The following CNTNAP5 variants were observed in gnomAD, a reference collection of about 807,000 sequenced individuals.
CNTNAP5 encodes the protein contactin associated protein family member 5, also known as contactin-associated protein-like 5.
Under a neutral mutation model 150.2 loss-of-function variants are expected in CNTNAP5, and 72 were observed. That is an observed-to-expected ratio of 0.48 (90% CI 0.40 to 0.58). CNTNAP5 has a LOEUF of 0.58. Ranked by LOEUF, CNTNAP5 falls within the 20% of genes least tolerant of loss-of-function variation. The pLI, the probability that CNTNAP5 is intolerant of heterozygous loss-of-function variation, is 0.00. For synonymous variants in CNTNAP5, 672 were observed against 619.8 expected (o/e 1.08, Z -1.25); for missense variants, 1,636 against 1,626.2 (o/e 1.01, Z -0.10).
At chr2:124,473,002 TA>T (rs1334983292) in intron 6 of CNTNAP5, among the ~76,000 whole-genome samples, 1 of 151,766 alleles carries the variant, frequency 6.6e-6, no homozygotes, top group Non-Finnish European at 1.5e-5. Flanking sequence ...AACTAAAGAG[TA>T]TATGATTTAA....
intron 3 of CNTNAP5, among the ~76,000 whole-genome samples, chr2:124,361,037 T>G (rs1463234868): frequency 7.9e-6 from 1 of 126,934 alleles, no homozygotes; most frequent in Non-Finnish European, 1.7e-5. Flanking sequence ...TAAACTTCCC[T>G]TCTCGCTTCA....
intron 12 of CNTNAP5, among the ~76,000 whole-genome samples, chr2:124,642,448 C>T (rs1678113412): frequency 6.6e-6 from 1 of 152,128 alleles, no homozygotes; most frequent in African/African-American, 2.4e-5. Flanking sequence ...CTTCACTTGA[C>T]GAAGCCATCC....
intron 13 of CNTNAP5, among the ~76,000 whole-genome samples, chr2:124,724,496 T>C (rs1372598498): frequency 6.6e-6 from 1 of 152,120 alleles, no homozygotes; most frequent in Non-Finnish European, 1.5e-5. Context: ...TAAATATACA[T>C]GTGATCAATT....
intron 22 of CNTNAP5, among the ~76,000 whole-genome samples, chr2:124,906,003 G>T (rs1678528309): frequency 6.6e-6 from 1 of 152,148 alleles, no homozygotes; most frequent in Admixed American, 6.5e-5. Flanking sequence ...ATGCTTGCAG[G>T]CCTATTGTTT....
chr2:124,798,011 A>G (rs1681882954), intron 18 of CNTNAP5, 85 bp from the exon 19 acceptor site: 1 of 950,320 alleles, frequency 1.1e-6, no homozygotes, highest in Non-Finnish European at 1.6e-6. Flanking sequence ...TGCCCAGTGC[A>G]TAGGAAACGA....
At position 124,797,516 on chromosome 2, in the gene CNTNAP5, A is replaced by G. The variant is rs314725; in HGVS notation, c.2993-580A>G. Among the ~76,000 whole-genome samples the G allele has an allele frequency of 9.3e-3, 1,418 of 152,268 alleles. 28 individuals carry two copies. The highest frequency in any genetic ancestry group is 0.032 in the African/African-American group (1,347 of 41,552). ...AAATGAGTTTAAGAGTTGGAGACCT[A>G]TGTCTTTTCTACTTTGTCCATAAAT... On this transcript the variant is annotated intron_variant, in intron 18 of 23. Coordinates refer to ENST00000682447, the MANE Select transcript of CNTNAP5 (RefSeq NM_001367498.1).
intron 19 of CNTNAP5, among the ~76,000 whole-genome samples, chr2:124,812,161 A>C (rs1371456789): frequency 5.2e-5 from 6 of 115,576 alleles, no homozygotes; most frequent in Non-Finnish European, 1.0e-4. Context: ...TATATAAATA[A>C]TATATGTATT....
chr2:124,783,438 T>C, intron 17 of CNTNAP5, among the ~76,000 whole-genome samples: 1 of 152,180 alleles, frequency 6.6e-6, no homozygotes, highest in Non-Finnish European at 1.5e-5. Flanking sequence ...CAATTAAATA[T>C]TAATATTTCT....
intron 19 of CNTNAP5, among the ~76,000 whole-genome samples, chr2:124,815,437 C>T (rs1015106690): frequency 6.6e-6 from 1 of 152,140 alleles, no homozygotes; most frequent in Non-Finnish European, 1.5e-5. Flanking sequence ...CTTTGTCATG[C>T]TGAAGCCAGG....
chr2:124,504,514 G>C lies in CNTNAP5; in HGVS notation c.1285G>C (p.Val429Leu). ...LSLEGGILRL[V>L]IQKMTERVAE... ...CCTGGAGGGTGGAATCCTGAGACTCGTGATTCAGAAAATGACAGAACGCGT... is the reference window on the plus strand; with the variant it reads ...CCTGGAGGGTGGAATCCTGAGACTCCTGATTCAGAAAATGACAGAACGCGT... Residue 429 changes from valine (V) to leucine (L), a missense_variant, in exon 8 of 24, where the codon GTG becomes CTG. Physicochemically the swap from Val to Leu is conservative, Grantham distance 32. Transcript: ENST00000682447. The C allele has an allele frequency of 6.2e-7, 1 of 1,613,768 alleles. No homozygotes were observed. Among genetic ancestry groups the C allele is most frequent in the Non-Finnish European group, 8.5e-7 (1 of 1,179,816 alleles).
chr2:124,603,008 TCC>T (rs1203425244), intron 11 of CNTNAP5, among the ~76,000 whole-genome samples: 3 of 129,688 alleles, frequency 2.3e-5, no homozygotes, highest in Non-Finnish European at 4.9e-5. Context: ...CCTCTCTCCC[TCC>T]CTCCCTCCCT....
intron 13 of CNTNAP5, among the ~76,000 whole-genome samples, chr2:124,659,587 G>A (rs12998732): frequency 0.54 from 76,454 of 141,912 alleles, 21,415 homozygotes; most frequent in Non-Finnish European, 0.61. Context: ...TCTTCTCTGC[G>A]AAATAGCTAA....
At chr2:124,594,276 C>T (rs1327521159) in intron 11 of CNTNAP5, among the ~76,000 whole-genome samples, 17 of 137,530 alleles carry the variant, frequency 1.2e-4, no homozygotes, top group South Asian at 7.8e-4. Context: ...TTAGGTCTAA[C>T]GTTTAAATCT....
intron 4 of CNTNAP5, among the ~76,000 whole-genome samples, chr2:124,431,645 T>C (rs1230819425): frequency 1.4e-5 from 2 of 146,520 alleles, no homozygotes; most frequent in African/African-American, 2.5e-5. Flanking sequence ...AATTTCTTTA[T>C]ATAAACATTA....
chr2:124,130,970 A>G (rs1015129206), intron 1 of CNTNAP5, among the ~76,000 whole-genome samples: 1 of 152,184 alleles, frequency 6.6e-6, no homozygotes, highest in South Asian at 2.1e-4. Flanking sequence ...CAGCCCCAGA[A>G]GTATAAAGAC....
chr2:124,412,434 C>A (rs1233662326), intron 3 of CNTNAP5, among the ~76,000 whole-genome samples: 1,712 of 148,478 alleles, frequency 0.012, 30 homozygotes, highest in African/African-American at 0.039. Context: ...CAATCCTAAG[C>A]CAAAAGAACA....
At chr2:124,367,699 G>A (rs948885781) in intron 3 of CNTNAP5, among the ~76,000 whole-genome samples, 1 of 152,128 alleles carries the variant, frequency 6.6e-6, no homozygotes, top group African/African-American at 2.4e-5. Context: ...GGGCCTTGAG[G>A]TTTAAAGTGT....
intron 13 of CNTNAP5, among the ~76,000 whole-genome samples, chr2:124,675,046 G>C (rs13432730): frequency 0.24 from 35,776 of 151,904 alleles, 4,703 homozygotes; most frequent in African/African-American, 0.36. Context: ...TAACACAAGA[G>C]TGTTGGATTC....
intron 11 of CNTNAP5, 114 bp from the exon 12 acceptor site, chr2:124,609,687 T>C: frequency 8.5e-7 from 1 of 1,170,030 alleles, no homozygotes; most frequent in Non-Finnish European, 1.2e-6. Flanking sequence ...GTCAAGGATA[T>C]AGAAGGAGGG....
Sources: gnomAD v4.1 joint callset for allele counts (sites outside exome capture counted in the v4.1 genomes callset) on GRCh38, gnomAD v4.1.1 for gene constraint, MANE v1.5 for transcripts, NCBI Gene and HGNC (gene_info 2026-07-23, HGNC 2026-07-21) for gene names.